The following CMTM4 variants were observed in gnomAD, a reference collection of about 807,000 sequenced individuals.
CMTM4 encodes the protein CKLF like MARVEL transmembrane domain containing 4.
A neutral mutation model predicts 19.0 loss-of-function variants in CMTM4; 8 were observed. The observed-to-expected ratio is 0.42, with a 90% confidence interval of 0.25 to 0.76. The LOEUF is 0.76. Among genes scored for constraint, CMTM4 ranks in the 30% least tolerant of loss-of-function variants. The probability of loss-of-function intolerance (pLI) is 0.27; values close to 1 mark genes in which losing one functional copy is unlikely to be tolerated. For missense variants in CMTM4, 228 were observed against 290.2 expected (o/e 0.79, Z 1.56); for synonymous variants, 106 against 121.1 (o/e 0.88, Z 0.82).
At position 66,622,041 on chromosome 16, in the gene CMTM4, A is replaced by T. The variant is rs909666157; in HGVS notation, c.*17T>A. The T allele has an allele frequency of 6.4e-7, 1 of 1,552,978 alleles. No individual in the cohort carries two copies. The highest frequency in any genetic ancestry group is 8.7e-7 in the Non-Finnish European group (1 of 1,145,448). ...GACAGGCACGAGGACGGGAGGGAGG[A>T]GGATCCAGGCAGGTCCTCACGTGTC... On this transcript the variant is annotated 3_prime_UTR_variant, in exon 4 of 4. Coordinates refer to ENST00000394106, the MANE Select transcript of CMTM4 (RefSeq NM_181521.3). This position sits in a 1 kb window ranked among gnomAD's most constrained non-coding sequence, Gnocchi z 4.0.
intron 1 of CMTM4, among the ~76,000 whole-genome samples, chr16:66,661,598 C>T (rs2016499943): frequency 6.6e-6 from 1 of 152,114 alleles, no homozygotes; most frequent in Non-Finnish European, 1.5e-5. Flanking sequence ...TGATTCCTTG[C>T]ACATGCCAGG....
chr16:66,608,225 C>A, the CMTM4 span: 13 of 1,504,506 alleles, frequency 8.6e-6, no homozygotes, highest in Admixed American at 2.2e-4. This position sits in a 1 kb window ranked among gnomAD's most constrained non-coding sequence, Gnocchi z 5.1. Context: ...CCTCCTCTAT[C>A]CTGACCACAG....
At chr16:66,648,670 G>T (rs2016252228) in intron 1 of CMTM4, among the ~76,000 whole-genome samples, 1 of 150,046 alleles carries the variant, frequency 6.7e-6, no homozygotes, top group Non-Finnish European at 1.5e-5. Context: ...AAAAAAAAAA[G>T]AAATAAATCT....
chr16:66,637,889 C>G (rs2016026848), intron 1 of CMTM4, among the ~76,000 whole-genome samples: 1 of 152,170 alleles, frequency 6.6e-6, no homozygotes, highest in Non-Finnish European at 1.5e-5. Flanking sequence ...TCCTTTAGAG[C>G]TTGTGGGAAA....
downstream of CMTM4, among the ~76,000 whole-genome samples, chr16:66,612,242 C>T (rs940659612): frequency 1.3e-5 from 2 of 152,134 alleles, no homozygotes; most frequent in African/African-American, 2.4e-5. The surrounding 1 kb of genome is among the most constrained non-coding windows in gnomAD (Gnocchi z 6.0). Flanking sequence ...CCCATCTCTA[C>T]TAAAAGTACA....
chr16:66,682,765 C>T (rs1189891855), intron 1 of CMTM4, among the ~76,000 whole-genome samples: 1 of 152,028 alleles, frequency 6.6e-6, no homozygotes, highest in Non-Finnish European at 1.5e-5. Flanking sequence ...CCCTCAGCTT[C>T]AATGCCAGTT....
rs1277192395 is a variant in CMTM4, at chr16:66,682,289, A to G, written c.186+14051T>C. Among the ~76,000 whole-genome samples the G allele has an allele frequency of 2.6e-5, 4 of 152,144 alleles. No individual in the cohort carries two copies. In the East Asian group the frequency reaches 7.7e-4, roughly 29 times the overall value. On this transcript the variant is annotated intron_variant, in intron 1 of 3. Transcript: ENST00000394106. ...CAACACTTAATCTCAAGTTATACAC[A>G]TTTCTAGGGCTTGGCCTGAAAATGG...
chr16:66,623,577 C>A, intron 2 of CMTM4, 75 bp from the exon 3 acceptor site: 1 of 1,051,154 alleles, frequency 9.5e-7, no homozygotes, highest in South Asian at 1.5e-5. Context: ...GGAGAACTTT[C>A]AAAATAAGAC....
rs1163056190 is a variant in CMTM4 at position 66,667,324 on chromosome 16, C to CA, written c.186+29015dup. On this transcript the variant is annotated intron_variant, in intron 1 of 3. Transcript: ENST00000394106. ...TGGGCACCAGAGCAAGACTCCCTCT[C>CA]AAAAAAATAAAATAAAATAAAAAAT... 2.7e-5 allele frequency among the ~76,000 whole-genome samples: 4 copies of CA among 150,762 alleles called. No individual in the cohort carries two copies. In the East Asian group the frequency reaches 5.8e-4, roughly 22 times the overall value.
At chr16:66,687,389 G>C (rs2017052890) in intron 1 of CMTM4, among the ~76,000 whole-genome samples, 1 of 152,090 alleles carries the variant, frequency 6.6e-6, no homozygotes, top group African/African-American at 2.4e-5. Flanking sequence ...TCAAGGGCTG[G>C]GAGCAGTGGC....
chr16:66,679,097 TAAA>T (rs577591880), intron 1 of CMTM4, among the ~76,000 whole-genome samples: 1 of 136,606 alleles, frequency 7.3e-6, no homozygotes. Context: ...AGACTCCATC[TAAA>T]AAAAAAAAAA....
At chr16:66,631,846 T>C (rs922337452) in intron 2 of CMTM4, among the ~76,000 whole-genome samples, 2 of 152,160 alleles carry the variant, frequency 1.3e-5, no homozygotes, top group African/African-American at 2.4e-5. Context: ...TGTTCACTTG[T>C]GTATCTGCTG....
At position 66,615,309 on chromosome 16, in the gene CMTM4, C is replaced by CT. The variant is rs2015505061; in HGVS notation, c.*6748dup. 1 of 152,220 alleles carries CT rather than the reference C, an allele frequency of 6.6e-6. No homozygotes were observed. Among genetic ancestry groups the CT allele is most frequent in the African/African-American group, 2.4e-5 (1 of 41,452 alleles). 9.4% of individuals were successfully genotyped at this position (152,220 alleles called of 1,614,324 possible). ...TATCAAATAATTACATATTCTGACC[C>CT]TTCAGAAGGACACCAAAAGCTACAA... On this transcript the variant is annotated 3_prime_UTR_variant, in exon 4 of 4. Coordinates refer to ENST00000394106, the MANE Select transcript of CMTM4 (RefSeq NM_181521.3). This position sits in a 1 kb window ranked among gnomAD's most constrained non-coding sequence, Gnocchi z 4.9.
At chr16:66,605,904 A>G in the CMTM4 span, among the ~76,000 whole-genome samples, 1 of 151,912 alleles carries the variant, frequency 6.6e-6, no homozygotes, top group Non-Finnish European at 1.5e-5. This position sits in a 1 kb window ranked among gnomAD's most constrained non-coding sequence, Gnocchi z 4.6. Context: ...CACCTGCCCA[A>G]CGCCCAAGTG....
At chr16:66,686,955 G>A (rs1224176548) in intron 1 of CMTM4, among the ~76,000 whole-genome samples, 1 of 151,986 alleles carries the variant, frequency 6.6e-6, no homozygotes, top group African/African-American at 2.4e-5. Context: ...CCTTTGGAAA[G>A]GAAAAAATTT....
chr16:66,621,665 C>G lies in CMTM4; in HGVS notation c.*393G>C. On this transcript the variant is annotated 3_prime_UTR_variant, in exon 4 of 4. Coordinates refer to ENST00000394106, the MANE Select transcript of CMTM4 (RefSeq NM_181521.3). ...GTGGTGCCTAAGGCTGCCTGAGAAC[C>G]ACTGCCGACTGACCGTTCCAATGCT... The G allele has an allele frequency of 9.8e-7, 1 of 1,017,200 alleles. No homozygotes were observed. The highest frequency in any genetic ancestry group is 1.2e-6 in the Non-Finnish European group (1 of 847,460). The allele number at this position is 1,017,200 out of a possible 1,614,324, so 63.0% of individuals were successfully genotyped here. A position where few individuals can be genotyped will look rare whatever the true frequency, so the allele number is the denominator to read the frequency against.
the CMTM4 span, chr16:66,604,994 C>A: frequency 7.1e-6 from 10 of 1,414,602 alleles, no homozygotes; most frequent in Non-Finnish European, 9.2e-6. Flanking sequence ...TAGGACTGCG[C>A]GGCTCCTTTC....
At chr16:66,678,993 G>A (rs557211039) in intron 1 of CMTM4, among the ~76,000 whole-genome samples, 1 of 151,782 alleles carries the variant, frequency 6.6e-6, no homozygotes, top group African/African-American at 2.4e-5. Flanking sequence ...CAGCTACTTG[G>A]GGGGCTGAGG....
Position 66,681,649 on chromosome 16 carries a change from C to A in CMTM4, c.186+14691G>T, listed in dbSNP as rs551848299. ...ATCCAGGGTGTATTTTGTATTTATGCATATCTCAATTCGTACCAGCCACAT... is the reference window on the plus strand; with the variant it reads ...ATCCAGGGTGTATTTTGTATTTATGAATATCTCAATTCGTACCAGCCACAT... On this transcript the variant is annotated intron_variant, in intron 1 of 3. Coordinates refer to ENST00000394106, the MANE Select transcript of CMTM4 (RefSeq NM_181521.3). Among the ~76,000 whole-genome samples, 20 of 152,256 alleles carry A rather than the reference C, an allele frequency of 1.3e-4. 1 individual carries two copies. The highest frequency in any genetic ancestry group is 6.8e-3 in the Middle Eastern group (2 of 294).
Sources: gnomAD v4.1 joint callset for allele counts (sites outside exome capture counted in the v4.1 genomes callset) on GRCh38, gnomAD v4.1.1 for gene constraint, Gnocchi (gnomAD v3.1) non-coding constraint, MANE v1.5 for transcripts, NCBI Gene and HGNC (gene_info 2026-07-23, HGNC 2026-07-21) for gene names.